Variants in CLECL1 observed in about 807,000 individuals in gnomAD.
The protein encoded by CLECL1 is C-type lectin-like domain family 1.
the CLECL1 span, among the ~76,000 whole-genome samples, chr12:9,707,862 T>TAAAGAAA: frequency 6.6e-6 from 1 of 152,268 alleles, no homozygotes; most frequent in East Asian, 1.9e-4. Context: ...TTAAGAGTTT[T>TAAAGAAA]GTTACAGGCT....
chr12:9,733,342 T>A (rs1215180438), upstream of CLECL1: 1 of 974,380 alleles, frequency 1.0e-6, no homozygotes, highest in African/African-American at 1.6e-5. Flanking sequence ...CCACAGAAGA[T>A]ATCTCACCAT....
intron 3 of CLECL1, among the ~76,000 whole-genome samples, chr12:9,725,156 G>A (rs758451768): frequency 1.3e-5 from 2 of 152,204 alleles, no homozygotes; most frequent in South Asian, 4.1e-4. Context: ...AATCACTATA[G>A]CTAATGTTAA....
the CLECL1 span, among the ~76,000 whole-genome samples, chr12:9,710,368 G>A: frequency 6.6e-6 from 1 of 152,130 alleles, no homozygotes. Context: ...AATGCCCCCT[G>A]TCAGTGGGAA....
the CLECL1 span, among the ~76,000 whole-genome samples, chr12:9,705,894 C>G: frequency 6.6e-6 from 1 of 151,912 alleles, no homozygotes; most frequent in Admixed American, 6.6e-5. Flanking sequence ...CTTTTTTATT[C>G]CATATAAATT....
downstream of CLECL1, among the ~76,000 whole-genome samples, chr12:9,720,804 G>A (rs963152447): frequency 2.6e-5 from 4 of 152,152 alleles, no homozygotes; most frequent in African/African-American, 9.7e-5. Flanking sequence ...GACCCCAGGA[G>A]CTTCACACTG....
chr12:9,733,011 TAG>T (rs1866468358), exon 1 of CLECL1: 1 of 1,614,092 alleles, frequency 6.2e-7, no homozygotes, highest in African/African-American at 1.3e-5. Flanking sequence ...GATGTCAGCG[TAG>T]ACTACATCTC....
At chr12:9,712,946 C>T (rs763073052), downstream of CLECL1, among the ~76,000 whole-genome samples, 10 of 152,212 alleles carry the variant, frequency 6.6e-5, no homozygotes, top group Admixed American at 3.3e-4. Context: ...CAGGATGAGC[C>T]GCAGACAAAA....
chr12:9,730,882 C>T (rs1277726469), intron 1 of CLECL1, among the ~76,000 whole-genome samples: 2 of 152,088 alleles, frequency 1.3e-5, no homozygotes, highest in East Asian at 1.9e-4. Flanking sequence ...CATGAGGTCT[C>T]TCTGTGTTGT....
the CLECL1 span, among the ~76,000 whole-genome samples, chr12:9,702,957 C>G: frequency 1.3e-5 from 2 of 152,148 alleles, no homozygotes; most frequent in African/African-American, 4.8e-5. Context: ...AGGTTCCAAT[C>G]AACACAGAGG....
chr12:9,712,462 C>T (rs1866206597), downstream of CLECL1, among the ~76,000 whole-genome samples: 1 of 152,208 alleles, frequency 6.6e-6, no homozygotes, highest in Admixed American at 6.5e-5. Flanking sequence ...TACTGTTCTG[C>T]TTTAGCCAAG....
downstream of CLECL1, among the ~76,000 whole-genome samples, chr12:9,715,359 C>T (rs1315549327): frequency 6.6e-6 from 1 of 152,150 alleles, no homozygotes; most frequent in Non-Finnish European, 1.5e-5. Context: ...TTACTTGCGT[C>T]ACTTAGAGAA....
At chr12:9,713,887 C>T (rs1381928410), downstream of CLECL1, among the ~76,000 whole-genome samples, 1 of 152,162 alleles carries the variant, frequency 6.6e-6, no homozygotes, top group Non-Finnish European at 1.5e-5. Context: ...TGGATTGAGT[C>T]CGTGCCACAC....
chr12:9,727,515 A>G (rs890631351), intron 3 of CLECL1, among the ~76,000 whole-genome samples: 2 of 151,856 alleles, frequency 1.3e-5, no homozygotes, highest in Admixed American at 1.3e-4. Flanking sequence ...AATCAAGGCT[A>G]CTATTCATGC....
chr12:9,714,455 T>C (rs1207766742), downstream of CLECL1, among the ~76,000 whole-genome samples: 4 of 152,182 alleles, frequency 2.6e-5, no homozygotes, highest in Non-Finnish European at 5.9e-5. Flanking sequence ...GTGGGGGCCA[T>C]CCAGTCCTGG....
downstream of CLECL1, among the ~76,000 whole-genome samples, chr12:9,712,855 G>C (rs1866209697): frequency 6.6e-6 from 1 of 152,032 alleles, no homozygotes; most frequent in African/African-American, 2.4e-5. Context: ...CCCAGAATCA[G>C]AAGACTAAAA....
chr12:9,726,852 A>G (rs764336483), intron 3 of CLECL1, among the ~76,000 whole-genome samples: 1 of 152,012 alleles, frequency 6.6e-6, no homozygotes, highest in South Asian at 2.1e-4. Flanking sequence ...TAAGAAAAAT[A>G]TTAACTTACA....
chr12:9,726,826 T>G (rs935547086), intron 3 of CLECL1, among the ~76,000 whole-genome samples: 1 of 151,986 alleles, frequency 6.6e-6, no homozygotes, highest in South Asian at 2.1e-4. Context: ...GCTTTGGGGA[T>G]AATGTCTCAC....
downstream of CLECL1, chr12:9,718,888 C>T (rs1230021785): frequency 1.7e-6 from 1 of 591,132 alleles, no homozygotes; most frequent in African/African-American, 1.9e-5. Context: ...GCTACCTAGT[C>T]TGTGATACTT....
chr12:9,707,177 G>T, the CLECL1 span, among the ~76,000 whole-genome samples: 1 of 152,034 alleles, frequency 6.6e-6, no homozygotes, highest in African/African-American at 2.4e-5. Context: ...AAAGCTGAAG[G>T]GTTAATTGGA....
Sources: allele counts gnomAD v4.1 joint callset (sites outside exome capture counted in the v4.1 genomes callset), GRCh38; gene constraint gnomAD v4.1.1; transcripts MANE v1.5; gene names NCBI Gene and HGNC (gene_info 2026-07-23, HGNC 2026-07-21).